Variants in EIPR1 observed in about 807,000 individuals in gnomAD.
EIPR1 encodes EARP complex and GARP complex interacting protein 1.
A neutral mutation model predicts 48.1 loss-of-function variants in EIPR1; 25 were observed. The observed-to-expected ratio is 0.52, with a 90% CI of 0.38 to 0.73. EIPR1 has a LOEUF of 0.73. EIPR1 is among the 30% of genes least tolerant of loss of function. The pLI is 0.00. For synonymous variants in EIPR1, 204 were observed against 201.9 expected, an observed-to-expected ratio of 1.01 and a Z score of -0.09; for missense variants, 415 against 506.2, an observed-to-expected ratio of 0.82 and a Z score of 1.73.
intron 4 of EIPR1, among the ~76,000 whole-genome samples, chr2:3,216,242 C>T (rs1256669733): frequency 2.8e-4 from 43 of 152,124 alleles, no homozygotes; most frequent in Admixed American, 2.7e-3. Flanking sequence ...CCATGCGGGA[C>T]ATTTTCTATA....
At position 3,356,628 on chromosome 2, in the gene EIPR1, C is replaced by T. The variant is rs190218141; in HGVS notation, c.43-1995G>A. ...CAGAACCTGTGAATGTGAACTTACG[C>T]GGTAAAGGGACTCTGCTGATGTGCT... On this transcript the variant is annotated intron_variant, in intron 1 of 8. Transcript: ENST00000382125. Among the ~76,000 whole-genome samples, 25 of 152,284 alleles carry T rather than the reference C, an allele frequency of 1.6e-4. No homozygotes were observed. The East Asian group carries it at 2.3e-3, about 14-fold the overall frequency.
At chr2:3,283,702 G>C (rs1045654072) in intron 3 of EIPR1, among the ~76,000 whole-genome samples, 2 of 152,224 alleles carry the variant, frequency 1.3e-5, no homozygotes, top group South Asian at 4.1e-4. Flanking sequence ...CCAGCACTTT[G>C]GGAGGCCAAG....
chr2:3,297,112 G>A (rs1668625681), intron 3 of EIPR1, among the ~76,000 whole-genome samples: 1 of 152,230 alleles, frequency 6.6e-6, no homozygotes, highest in South Asian at 2.1e-4. Flanking sequence ...GCTTAATTGT[G>A]TCTGTGGCTC....
intron 4 of EIPR1, among the ~76,000 whole-genome samples, chr2:3,236,104 A>C (rs1666396723): frequency 6.6e-6 from 1 of 152,184 alleles, no homozygotes; most frequent in Non-Finnish European, 1.5e-5. Context: ...CCACCTAGAA[A>C]TGAACAGTCA....
At chr2:3,273,155 A>G (rs1202420479) in intron 3 of EIPR1, among the ~76,000 whole-genome samples, 1 of 152,250 alleles carries the variant, frequency 6.6e-6, no homozygotes, top group Non-Finnish European at 1.5e-5. Flanking sequence ...AATAGATTCT[A>G]GGACTTTGGA....
chr2:3,281,639 G>A (rs895085165), intron 3 of EIPR1, among the ~76,000 whole-genome samples: 12 of 152,150 alleles, frequency 7.9e-5, no homozygotes, highest in South Asian at 2.1e-4. Context: ...TCAGTAGATC[G>A]AACTAGCTCC....
chr2:3,319,440 C>T (rs62121541), intron 3 of EIPR1: 28,818 of 166,902 alleles, frequency 0.17, 2,699 homozygotes, highest in Non-Finnish European at 0.21. Context: ...TTGTCATCAT[C>T]TTCACGGTCA....
chr2:3,198,406 C>A (rs1664884138), intron 5 of EIPR1, among the ~76,000 whole-genome samples: 1 of 152,184 alleles, frequency 6.6e-6, no homozygotes, highest in Non-Finnish European at 1.5e-5. Flanking sequence ...ACACTGCGCT[C>A]AGTCAGGGAG....
Position 3,211,756 on chromosome 2 carries a change from C to T in EIPR1, c.516+2393G>A, listed in dbSNP as rs147851744. Reference sequence around the variant, plus strand: ...GCGTGAACAGAAGGCAGAGGTGGAGCGAATCCTCACGCAAGCTTCCTTCTC... The same window carrying T: ...GCGTGAACAGAAGGCAGAGGTGGAGTGAATCCTCACGCAAGCTTCCTTCTC... On this transcript the variant is annotated intron_variant, in intron 5 of 8. Transcript: ENST00000382125. Among the ~76,000 whole-genome samples, 128 of 152,332 alleles carry T rather than the reference C, an allele frequency of 8.4e-4. 2 individuals carry two copies. The East Asian group carries it at 0.022, about 26-fold the overall frequency.
At chr2:3,290,405 A>G (rs771970353) in intron 3 of EIPR1, among the ~76,000 whole-genome samples, 2 of 152,244 alleles carry the variant, frequency 1.3e-5, no homozygotes, top group Admixed American at 6.5e-5. Flanking sequence ...AAAATGTGAC[A>G]GCGGGTTGGG....
At chr2:3,226,941 G>A (rs1268082058) in intron 4 of EIPR1, among the ~76,000 whole-genome samples, 1 of 152,190 alleles carries the variant, frequency 6.6e-6, no homozygotes, top group East Asian at 1.9e-4. Context: ...CCATGATTGT[G>A]AGGTCTCCCC....
intron 4 of EIPR1, among the ~76,000 whole-genome samples, chr2:3,234,032 G>T (rs1475338049): frequency 6.6e-6 from 1 of 152,156 alleles, no homozygotes; most frequent in Non-Finnish European, 1.5e-5. Flanking sequence ...ATGACCAAAG[G>T]GTAGCAGCCA....
At position 3,208,699 on chromosome 2, in the gene EIPR1, ACTCGGCGGGTCCTTCTTCCATGCGTGAGG is replaced by A. The variant is rs778384001; in HGVS notation, c.516+5421_516+5449del. The A allele has an allele frequency of 6.9e-5, 107 of 1,550,204 alleles. 2 individuals carry two copies. The South Asian group carries it at 1.3e-3, about 18-fold the overall frequency. On this transcript the variant is annotated intron_variant, in intron 5 of 8. Coordinates refer to ENST00000382125, the MANE Select transcript of EIPR1 (RefSeq NM_003310.5). ...CTCAACCCCAATTCCCCCAGGAAACACTCGGCGGGTCCTTCTTCCATGCGTGAGGCTCGTGGCGGGTCCTTCTGTGAGTG... is the reference window on the plus strand; with the variant it reads ...CTCAACCCCAATTCCCCCAGGAAACACTCGTGGCGGGTCCTTCTGTGAGTG...
At chr2:3,333,885 T>C (rs1315523073) in intron 3 of EIPR1, among the ~76,000 whole-genome samples, 2 of 152,198 alleles carry the variant, frequency 1.3e-5, no homozygotes, top group Non-Finnish European at 2.9e-5. Context: ...GCTGGCCCTG[T>C]GATCGGCCTG....
chr2:3,265,785 G>T (rs1345105678), intron 3 of EIPR1, among the ~76,000 whole-genome samples: 5 of 152,228 alleles, frequency 3.3e-5, no homozygotes, highest in Admixed American at 2.0e-4. Flanking sequence ...CATGCTGAAT[G>T]AACACAGCCC....
At chr2:3,200,673 G>T (rs1057272570) in intron 5 of EIPR1, among the ~76,000 whole-genome samples, 6 of 152,114 alleles carry the variant, frequency 3.9e-5, no homozygotes, top group African/African-American at 1.4e-4. Context: ...GAGGGGGGCA[G>T]GGGCAGACAC....
intron 4 of EIPR1, among the ~76,000 whole-genome samples, chr2:3,227,424 G>T (rs573606820): frequency 1.3e-5 from 2 of 152,338 alleles, no homozygotes; most frequent in African/African-American, 4.8e-5. Context: ...TTGAACTCGA[G>T]AGAGATGACT....
rs545591163 is a variant in EIPR1 at position 3,205,879 on chromosome 2, G to T, written c.516+8270C>A. Among the ~76,000 whole-genome samples the T allele has an allele frequency of 1.9e-3, 296 of 152,242 alleles. 2 individuals carry two copies. Among genetic ancestry groups the T allele is most frequent in the African/African-American group, 7.0e-3 (289 of 41,504 alleles). ...TATAAGGATTAAAGGAGATAATACAGGTCAAATGTCCAGACAGTGCCTAGC... is the reference window on the plus strand; with the variant it reads ...TATAAGGATTAAAGGAGATAATACATGTCAAATGTCCAGACAGTGCCTAGC... On this transcript the variant is annotated intron_variant, in intron 5 of 8. Transcript: ENST00000382125.
At chr2:3,222,853 G>A (rs1052533901) in intron 4 of EIPR1, among the ~76,000 whole-genome samples, 1 of 152,222 alleles carries the variant, frequency 6.6e-6, no homozygotes, top group African/African-American at 2.4e-5. Flanking sequence ...TACACAAACA[G>A]AAGCTTCGTG....
Sources: allele counts gnomAD v4.1 joint callset (sites outside exome capture counted in the v4.1 genomes callset), GRCh38; gene constraint gnomAD v4.1.1; transcripts MANE v1.5; gene names NCBI Gene and HGNC (gene_info 2026-07-23, HGNC 2026-07-21).